Variants in AGXT2 observed in about 807,000 individuals in gnomAD.
AGXT2 encodes the protein alanine--glyoxylate aminotransferase 2, mitochondrial.
A neutral mutation model predicts 62.5 loss-of-function variants in AGXT2; 61 were observed. The ratio of observed to expected loss-of-function variants is 0.98; its 90% CI spans 0.79 to 1.21. The LOEUF (loss-of-function observed/expected upper bound fraction) is 1.21. Among genes scored for constraint, AGXT2 ranks in the 50% most tolerant of loss-of-function variants. AGXT2 has a pLI of 0.00. For synonymous variants in AGXT2, 243 were observed against 218.7 expected, an observed-to-expected ratio of 1.11 and a Z score of -0.98; for missense variants, 666 against 641.5, an observed-to-expected ratio of 1.04 and a Z score of -0.41.
At chr5:35,043,532 CTT>C (rs758403590) in intron 1 of AGXT2, among the ~76,000 whole-genome samples, 11 of 151,962 alleles carry the variant, frequency 7.2e-5, no homozygotes, top group Non-Finnish European at 1.2e-4. Context: ...GGGATGATTT[CTT>C]TCTTTTTTTC....
At chr5:35,038,144 C>T (rs1767850786) in intron 3 of AGXT2, among the ~76,000 whole-genome samples, 1 of 152,168 alleles carries the variant, frequency 6.6e-6, no homozygotes, top group Non-Finnish European at 1.5e-5. Context: ...AAAGTGTTTC[C>T]CAAACTTATT....
chr5:35,013,908 A>C (rs1766742873), intron 10 of AGXT2, 79 bp downstream of exon 10: 1 of 1,597,670 alleles, frequency 6.3e-7, no homozygotes. Context: ...TCCAATCTAC[A>C]CAAGTTCCAA....
chr5:35,021,253 C>A (rs1767068621), intron 9 of AGXT2, among the ~76,000 whole-genome samples: 1 of 152,144 alleles, frequency 6.6e-6, no homozygotes, highest in Non-Finnish European at 1.5e-5. Flanking sequence ...AAAGAAGAGC[C>A]CGCTTCGCCA....
intron 12 of AGXT2, 86 bp downstream of exon 12, chr5:35,009,914 A>C (rs1766562728): frequency 6.4e-7 from 1 of 1,567,842 alleles, no homozygotes; most frequent in Admixed American, 1.7e-5. Flanking sequence ...TCTCTCCTTG[A>C]GAGTAAATGA....
chr5:35,046,559 T>C (rs1486820588), intron 1 of AGXT2, among the ~76,000 whole-genome samples: 1 of 152,204 alleles, frequency 6.6e-6, no homozygotes, highest in African/African-American at 2.4e-5. Flanking sequence ...CCTTATTCTC[T>C]TGTCTCCTCA....
intron 10 of AGXT2, 35 bp from the exon 11 acceptor site, chr5:35,013,080 ACACATTCCTGTC>A: frequency 6.6e-7 from 1 of 1,520,140 alleles, no homozygotes; most frequent in African/African-American, 1.4e-5. Flanking sequence ...GGAAAGAGGG[ACACATTCCTGTC>A]CACAATCTCT....
chr5:35,033,395 C>T (rs762558015), intron 6 of AGXT2, 65 bp downstream of exon 6: 19 of 1,272,608 alleles, frequency 1.5e-5, no homozygotes, highest in Middle Eastern at 1.8e-4. Flanking sequence ...ACCAGGAAAA[C>T]CTGATCAACT....
chr5:35,021,966 T>G (rs1023928795), intron 9 of AGXT2, among the ~76,000 whole-genome samples: 1 of 151,972 alleles, frequency 6.6e-6, no homozygotes, highest in African/African-American at 2.4e-5. Context: ...AACAAACACA[T>G]GAAAAAATGC....
chr5:35,010,012 C>T lies in AGXT2; in HGVS notation c.1326G>A (p.Met442Ile). 3 of 1,614,208 alleles carry T rather than the reference C, an allele frequency of 1.9e-6. No individual in the cohort carries two copies. Among genetic ancestry groups the T allele is most frequent in the Non-Finnish European group, 1.7e-6 (2 of 1,180,040 alleles). ...RGKGLMIGIE[M>I]VQDKISCRPL... ...GATTAGCACCTACCTTATCCTGCAC[C>T]ATTTCTATGCCTATCATGAGACCTT... The change falls in exon 12 of 14, where the codon ATG (methionine) becomes ATA (isoleucine). Residue 442 changes from methionine (M) to isoleucine (I), a missense_variant. Physicochemically the swap from Met to Ile is conservative, Grantham distance 10. Coordinates refer to ENST00000231420, the MANE Select transcript of AGXT2 (RefSeq NM_031900.4).
At chr5:35,030,361 A>T (rs1767516064) in intron 7 of AGXT2, among the ~76,000 whole-genome samples, 2 of 152,022 alleles carry the variant, frequency 1.3e-5, no homozygotes, top group South Asian at 4.2e-4. Flanking sequence ...TACAAAAATT[A>T]GCTGGGCGTG....
At chr5:35,003,912 G>A in intron 12 of AGXT2, 51 bp from the exon 13 acceptor site, 1 of 1,566,182 alleles carries the variant, frequency 6.4e-7, no homozygotes, top group East Asian at 2.3e-5. Flanking sequence ...AATGGTTAAA[G>A]GAATTATTTG....
intron 9 of AGXT2, among the ~76,000 whole-genome samples, chr5:35,023,633 A>G (rs1767206148): frequency 6.6e-6 from 1 of 152,106 alleles, no homozygotes; most frequent in Non-Finnish European, 1.5e-5. Flanking sequence ...AGCTGACTGG[A>G]TATACTCATT....
chr5:35,010,217 A>G, intron 11 of AGXT2, 68 bp from the exon 12 acceptor site: 1 of 1,597,562 alleles, frequency 6.3e-7, no homozygotes, highest in Non-Finnish European at 8.6e-7. Context: ...AATCGTGGAG[A>G]AGTCATTTGA....
At chr5:35,012,504 T>G in intron 11 of AGXT2, 1 of 205,736 alleles carries the variant, frequency 4.9e-6, no homozygotes, top group Non-Finnish European at 1.0e-5. Flanking sequence ...AAATCAATGG[T>G]GTAGGGGTGA....
chr5:35,010,649 C>T (rs1302298104), intron 11 of AGXT2, among the ~76,000 whole-genome samples: 1 of 152,092 alleles, frequency 6.6e-6, no homozygotes, highest in Non-Finnish European at 1.5e-5. Flanking sequence ...CGCGCCACTG[C>T]ACTCCAGCCT....
chr5:35,014,941 G>T (rs1323110133), intron 9 of AGXT2, among the ~76,000 whole-genome samples: 1 of 152,176 alleles, frequency 6.6e-6, no homozygotes, highest in Non-Finnish European at 1.5e-5. Flanking sequence ...CCTGAGAACT[G>T]TATCATGAGG....
At position 35,039,324 on chromosome 5, in the gene AGXT2, G is replaced by A. The variant is rs770841939; in HGVS notation, c.362C>T (p.Pro121Leu). The change falls in exon 3 of 14, where the codon CCA becomes CTA. Residue 121 changes from proline to leucine, a missense_variant and splice_region_variant. Coordinates refer to ENST00000231420, the MANE Select transcript of AGXT2 (RefSeq NM_031900.4). ...IVTVSVGHCHPKVNAVAQKQL... is the reference protein window; with the variant it reads ...IVTVSVGHCHLKVNAVAQKQL... ...ATCTCCAGATTTTAAGGATACTCAC[G>A]GGTGGCAATGGCCAACACTGACAGT... The A allele has an allele frequency of 9.9e-6, 16 of 1,613,606 alleles. No homozygotes were observed. The East Asian group carries it at 2.0e-4, about 20-fold the overall frequency.
intron 9 of AGXT2, among the ~76,000 whole-genome samples, chr5:35,025,230 G>T (rs1767285469): frequency 6.6e-6 from 1 of 151,998 alleles, no homozygotes; most frequent in South Asian, 2.1e-4. Context: ...ACAAAAATTA[G>T]TCAGGCTTGG....
chr5:35,018,006 G>A (rs565317574), intron 9 of AGXT2, among the ~76,000 whole-genome samples: 86 of 152,302 alleles, frequency 5.6e-4, no homozygotes, highest in African/African-American at 2.0e-3. Context: ...AATGAAGACA[G>A]AAGGGAAGTT....
Sources: allele counts gnomAD v4.1 joint callset (sites outside exome capture counted in the v4.1 genomes callset), GRCh38; gene constraint gnomAD v4.1.1; transcripts MANE v1.5; gene names NCBI Gene and HGNC (gene_info 2026-07-23, HGNC 2026-07-21).